Variants in OC90 observed in about 807,000 individuals in gnomAD.
OC90 encodes the protein otoconin 90.
OC90 carries 46 observed loss-of-function variants against 47.3 expected under a neutral mutation model. The observed-to-expected ratio is 0.97, with a 90% CI of 0.77 to 1.24. The LOEUF (loss-of-function observed/expected upper bound fraction) is 1.24. OC90 is among the 50% of genes most tolerant of loss of function. The pLI is 0.00. For missense variants in OC90, 688 were observed against 583.9 expected (o/e 1.18, Z -1.84); for synonymous variants, 271 against 219.5 (o/e 1.23, Z -2.07).
At chr8:132,036,243 G>A in intron 9 of OC90, 2 of 657,030 alleles carry the variant, frequency 3.0e-6, no homozygotes, top group Non-Finnish European at 5.5e-6. Flanking sequence ...TCTGTAAAAT[G>A]GGTATAATAA....
At chr8:132,039,785 C>T (rs969669069) in intron 6 of OC90, among the ~76,000 whole-genome samples, 1 of 152,132 alleles carries the variant, frequency 6.6e-6, no homozygotes, top group Non-Finnish European at 1.5e-5. Flanking sequence ...TTGCTCTTCT[C>T]CCATATATCT....
chr8:132,046,311 T>G (rs1161423411), intron 2 of OC90, among the ~76,000 whole-genome samples: 2 of 152,174 alleles, frequency 1.3e-5, no homozygotes, highest in Non-Finnish European at 2.9e-5. Context: ...ATTATCAGCA[T>G]CAGAATCACC....
chr8:132,031,960 G>A lies in OC90; in HGVS notation c.952C>T (p.Arg318Trp), dbSNP rs199706785. 49 of 1,613,874 alleles carry A rather than the reference G, an allele frequency of 3.0e-5. No homozygotes were observed. The highest frequency in any genetic ancestry group is 2.7e-4 in the East Asian group (12 of 44,890). ...LGEMLFCLTS[R>W]CPEEFESYGC... ...TAAGACTCAAATTCCTCCGGGCACCGGGATGTCAGACAAAAGAGCATCTCT... is the reference window on the plus strand; with the variant it reads ...TAAGACTCAAATTCCTCCGGGCACCAGGATGTCAGACAAAAGAGCATCTCT... The change falls in exon 12 of 14, where the codon CGG becomes TGG. Residue 318 changes from arginine to tryptophan, a missense_variant. Physicochemically the swap from Arg to Trp is moderately radical, Grantham distance 101. Transcript: ENST00000254627.
intron 9 of OC90, 115 bp from the exon 10 acceptor site, chr8:132,034,949 C>G: frequency 8.7e-6 from 6 of 687,264 alleles, no homozygotes. Context: ...TTCACTCTGC[C>G]CCTGGCCCAC....
At chr8:132,058,004 T>C (rs1376928050) in intron 1 of OC90, among the ~76,000 whole-genome samples, 3 of 152,270 alleles carry the variant, frequency 2.0e-5, no homozygotes, top group South Asian at 4.1e-4. Flanking sequence ...GATGACTCAC[T>C]GCGTAACTGT....
At chr8:132,041,005 T>G in intron 6 of OC90, 39 bp downstream of exon 6, 1 of 1,266,406 alleles carries the variant, frequency 7.9e-7, no homozygotes, top group Non-Finnish European at 1.2e-6. Context: ...GGACTGTCAT[T>G]TCTGGGCCCA....
At position 132,041,128 on chromosome 8, in the gene OC90, C is replaced by A. The variant is rs763614435; in HGVS notation, c.373G>T (p.Glu125Ter). The part of the protein sequence containing the change: ...SCCFQHRRCY[E>*]EAAEMDCLQD... ...AGACAGTCCATCTCAGCGGCCTCCT[C>A]ATAGCACCTGCGGTGCTGGAAGCAG... Residue 125 changes from glutamate to a stop codon, truncating the protein, a stop_gained, in exon 6 of 14, where the codon GAG becomes TAG. Transcript: ENST00000254627. LOFTEE classifies it high-confidence loss of function. 1.2e-6 allele frequency: 2 copies of A among 1,613,654 alleles called. No individual in the cohort carries two copies. Among genetic ancestry groups the A allele is most frequent in the South Asian group, 1.1e-5 (1 of 91,084 alleles).
intron 8 of OC90, among the ~76,000 whole-genome samples, chr8:132,037,799 C>A (rs870715): frequency 0.061 from 9,319 of 152,254 alleles, 886 homozygotes; most frequent in African/African-American, 0.21. Context: ...GAGGAGACCT[C>A]TGTTCCAAAG....
chr8:132,056,284 T>A (rs1344621596), intron 1 of OC90, among the ~76,000 whole-genome samples: 1 of 152,142 alleles, frequency 6.6e-6, no homozygotes, highest in Non-Finnish European at 1.5e-5. Flanking sequence ...CTGGTGGTCT[T>A]GCATATGTAC....
At chr8:132,054,768 C>T (rs2130865671) in intron 2 of OC90, among the ~76,000 whole-genome samples, 1 of 152,200 alleles carries the variant, frequency 6.6e-6, no homozygotes, top group South Asian at 2.1e-4. Flanking sequence ...TCATTTTTGT[C>T]ACCACAAGGT....
chr8:132,037,441 C>G lies in OC90; in HGVS notation c.676G>C (p.Glu226Gln). 1 of 1,582,918 alleles carries G rather than the reference C, an allele frequency of 6.3e-7. No individual in the cohort carries two copies. The highest frequency in any genetic ancestry group is 8.6e-7 in the Non-Finnish European group (1 of 1,163,104). Residue 226 changes from glutamate (E) to glutamine (Q), a missense_variant, in exon 9 of 14, where the codon GAA becomes CAA. Physicochemically the swap from Glu to Gln is conservative, Grantham distance 29. Coordinates refer to ENST00000254627, the MANE Select transcript of OC90 (RefSeq NM_001080399.3). ...ACACTAGCCCCTTCTGGCTCACCTT[C>G]TCCTGAAAGGGCTGTCAGGCTGGTG... is the stretch of plus-strand genomic sequence containing the variant. ...TDTSLTALSG[E>Q]EAGHDQEGVG...
At chr8:132,028,612 AAGG>A (rs1563727523) in intron 13 of OC90, among the ~76,000 whole-genome samples, 15 of 106,318 alleles carry the variant, frequency 1.4e-4, no homozygotes, top group Admixed American at 2.0e-4. Context: ...GGAAGGAGGG[AAGG>A]AGGAAGGAAG....
chr8:132,034,895 C>T (rs1489383910), intron 9 of OC90, 61 bp from the exon 10 acceptor site: 7 of 1,304,210 alleles, frequency 5.4e-6, no homozygotes, highest in Non-Finnish European at 7.7e-6. Flanking sequence ...ACCTGGGTTT[C>T]CAGAGGCTCT....
At chr8:132,053,464 G>T (rs1823243781) in intron 2 of OC90, among the ~76,000 whole-genome samples, 1 of 152,226 alleles carries the variant, frequency 6.6e-6, no homozygotes, top group East Asian at 1.9e-4. Flanking sequence ...TGGCCTGCTA[G>T]AATCAGAGAA....
intron 6 of OC90, among the ~76,000 whole-genome samples, chr8:132,040,701 T>C (rs763545733): frequency 1.3e-5 from 2 of 152,234 alleles, no homozygotes; most frequent in Non-Finnish European, 2.9e-5. Context: ...CTCCCCTTTT[T>C]GAGGGTCAGA....
At chr8:132,030,674 C>T (rs1209017783) in intron 12 of OC90, among the ~76,000 whole-genome samples, 2 of 152,248 alleles carry the variant, frequency 1.3e-5, no homozygotes, top group African/African-American at 4.8e-5. Context: ...CACAGTGTGA[C>T]ATCACCTTTG....
intron 13 of OC90, among the ~76,000 whole-genome samples, chr8:132,028,151 C>T (rs1382339174): frequency 1.3e-5 from 2 of 152,158 alleles, no homozygotes; most frequent in Non-Finnish European, 2.9e-5. Flanking sequence ...GCAGCTCACC[C>T]CCTTGACAGT....
chr8:132,024,792 C>G lies in OC90; in HGVS notation c.1139-16G>C. ...TGGCCCCCACCTTAGAAGGAAAGAGCAGAGTAGAAGCCATGAGACCTCTGA... is the reference window on the plus strand; with the variant it reads ...TGGCCCCCACCTTAGAAGGAAAGAGGAGAGTAGAAGCCATGAGACCTCTGA... On this transcript the variant is annotated splice_polypyrimidine_tract_variant and intron_variant, in intron 13 of 13. Coordinates refer to ENST00000254627, the MANE Select transcript of OC90 (RefSeq NM_001080399.3). 2.5e-6 allele frequency: 4 copies of G among 1,601,486 alleles called. No homozygotes were observed. The highest frequency in any genetic ancestry group is 3.4e-6 in the Non-Finnish European group (4 of 1,173,356).
chr8:132,054,900 G>T (rs1384955443), intron 2 of OC90, 81 bp downstream of exon 2: 2 of 871,962 alleles, frequency 2.3e-6, no homozygotes, highest in African/African-American at 1.7e-5. Flanking sequence ...GATGGTGGGG[G>T]TGGGCCTGTT....
Sources: gnomAD v4.1 joint callset for allele counts (sites outside exome capture counted in the v4.1 genomes callset) on GRCh38, gnomAD v4.1.1 for gene constraint, MANE v1.5 for transcripts, NCBI Gene and HGNC (gene_info 2026-07-23, HGNC 2026-07-21) for gene names.